Variants in ZNF221 observed in about 807,000 individuals in gnomAD.
ZNF221 encodes zinc finger protein 221.
ZNF221 carries 10 observed loss-of-function variants against 12.6 expected under a neutral mutation model. The observed-to-expected ratio is 0.79, with a 90% CI of 0.49 to 1.34. The LOEUF (loss-of-function observed/expected upper bound fraction) is 1.34, where lower values mean the gene tolerates loss of function less well. ZNF221 is among the 40% of genes most tolerant of loss of function. The pLI is 0.00. For synonymous variants in ZNF221, 232 were observed against 244.0 expected (o/e 0.95, Z 0.46); for missense variants, 661 against 721.4 (o/e 0.92, Z 0.96).
intron 1 of ZNF221, among the ~76,000 whole-genome samples, chr19:43,956,549 T>C (rs926913849): frequency 9.1e-6 from 1 of 110,458 alleles, no homozygotes; most frequent in Non-Finnish European, 1.9e-5. Context: ...CAGGAGGGGA[T>C]TGAGCCAAAG....
At chr19:43,974,828 G>A in the ZNF221 span, among the ~76,000 whole-genome samples, 3 of 152,054 alleles carry the variant, frequency 2.0e-5, no homozygotes, top group Admixed American at 6.6e-5. Flanking sequence ...AGACCAGCCC[G>A]GCCAACATGG....
In ZNF221 at chr19:43,952,008, G is replaced by A. The variant is rs1026662308; in HGVS notation, c.-3+608G>A. Among the ~76,000 whole-genome samples, 3 of 151,228 alleles carry A rather than the reference G, an allele frequency of 2.0e-5. No individual in the cohort carries two copies. The East Asian group carries it at 5.8e-4, about 29-fold the overall frequency. Reference sequence around the variant, plus strand: ...CCTGCCTCAGCCTCCCGAGTAGCTGGGACTACAGGCGCCCGCTACCACGCC... The same window carrying A: ...CCTGCCTCAGCCTCCCGAGTAGCTGAGACTACAGGCGCCCGCTACCACGCC... On this transcript the variant is annotated intron_variant, in intron 1 of 4. Transcript: ENST00000587682.
In ZNF221 at chr19:43,966,964, G is replaced by A. The variant is rs1476070287; in HGVS notation, c.1462G>A (p.Gly488Ser). ...YNCKECGKSF[G>S]WASCLLKHQR... The stretch of plus-strand genomic sequence containing the variant: ...TTGTAAGGAATGTGGCAAGAGCTTT[G>A]GCTGGGCCTCCTGTCTTTTGAAACA... Residue 488 changes from glycine to serine, a missense_variant, in exon 5 of 5, where the codon GGC becomes AGC. Coordinates refer to ENST00000587682, the MANE Select transcript of ZNF221 (RefSeq NM_001297588.2). 1.2e-6 allele frequency: 2 copies of A among 1,614,134 alleles called. No individual in the cohort carries two copies. The highest frequency in any genetic ancestry group is 4.5e-5 in the East Asian group (2 of 44,884).
At chr19:43,958,091 C>T (rs568944737) in intron 1 of ZNF221, among the ~76,000 whole-genome samples, 2 of 152,306 alleles carry the variant, frequency 1.3e-5, no homozygotes, top group African/African-American at 2.4e-5. Context: ...CCAAGAGTTT[C>T]GCAATCAGGC....
Position 43,967,206 on chromosome 19 carries a change from A to T in ZNF221, c.1704A>T (p.Gly568=), listed in dbSNP as rs377556936. The T allele has an allele frequency of 1.3e-6, 2 of 1,592,530 alleles. No individual in the cohort carries two copies. The highest frequency in any genetic ancestry group is 1.7e-6 in the Non-Finnish European group (2 of 1,166,760). The stretch of plus-strand genomic sequence containing the variant: ...GACCCTATAATTGTAAGGAATGTGG[A>T]AAGAGCTTTGGCTGGGCTTCATGTC... The part of the protein sequence containing the change: ...GERPYNCKEC[G]KSFGWASCLL... Residue 568 remains glycine, a synonymous_variant, in exon 5 of 5, where the codon GGA becomes GGT. Transcript: ENST00000587682.
chr19:43,970,812 G>C (rs748613197), downstream of ZNF221, among the ~76,000 whole-genome samples: 2 of 152,170 alleles, frequency 1.3e-5, no homozygotes, highest in Non-Finnish European at 2.9e-5. Context: ...GAAACAGATG[G>C]GGAGAATGGA....
At chr19:43,962,602 G>T (rs413061) in intron 1 of ZNF221, 123 bp from the exon 2 acceptor site, 5 of 916,448 alleles carry the variant, frequency 5.5e-6, no homozygotes, top group Admixed American at 3.9e-5. Flanking sequence ...TTGCAGTTTG[G>T]GGTTATGAGT....
intron 1 of ZNF221, among the ~76,000 whole-genome samples, chr19:43,962,217 G>A (rs1045292782): frequency 3.3e-5 from 5 of 152,062 alleles, no homozygotes; most frequent in African/African-American, 4.8e-5. Context: ...TCAGTCGTAC[G>A]ATTTAATAAT....
In ZNF221 at chr19:43,965,067, C is replaced by G; in HGVS notation, c.199C>G (p.Leu67Val). Reference sequence around the variant, plus strand: ...GATGCTAGAGAACTTCAGGAACCTGCTCTCAGTAGGTGAGGACAGGCACCC... The same window carrying G: ...GATGCTAGAGAACTTCAGGAACCTGGTCTCAGTAGGTGAGGACAGGCACCC... ...DVMLENFRNL[L>V]SVGNQPFHQD... Residue 67 changes from leucine to valine, a missense_variant, in exon 3 of 5, where the codon CTC (leucine) becomes GTC (valine). Leu to Val is a conservative substitution (Grantham distance 32). Coordinates refer to ENST00000587682, the MANE Select transcript of ZNF221 (RefSeq NM_001297588.2). The G allele has an allele frequency of 6.2e-7, 1 of 1,614,122 alleles. No individual in the cohort carries two copies. The highest frequency in any genetic ancestry group is 8.5e-7 in the Non-Finnish European group (1 of 1,180,002).
chr19:43,975,307 C>T, the ZNF221 span, among the ~76,000 whole-genome samples: 1 of 152,220 alleles, frequency 6.6e-6, no homozygotes, highest in African/African-American at 2.4e-5. Flanking sequence ...AAATGCCCAT[C>T]AATGATAGAC....
At position 43,966,568 on chromosome 19, in the gene ZNF221, C is replaced by T. The variant is rs779217402; in HGVS notation, c.1066C>T (p.His356Tyr). The change falls in exon 5 of 5, where the codon CAT becomes TAT. Residue 356 changes from histidine to tyrosine, a missense_variant. Transcript: ENST00000587682. Reference protein sequence around the residue: ...NFRQRSALNSHSMVHIEEKPY... With the variant: ...NFRQRSALNSYSMVHIEEKPY... ...TCGTCAGAGATCAGCACTTAATAGT[C>T]ATTCCATGGTCCACATAGAAGAGAA... is the stretch of plus-strand genomic sequence containing the variant. 3.0e-5 allele frequency: 48 copies of T among 1,614,036 alleles called. 1 individual carries two copies. In the South Asian group the frequency reaches 4.7e-4, roughly 16 times the overall value.
At chr19:43,968,090 C>T (rs1975016164), downstream of ZNF221, 1 of 152,312 alleles carries the variant, frequency 6.6e-6, no homozygotes, top group African/African-American at 2.4e-5. Flanking sequence ...ATGTGGTAAG[C>T]ACTTCAGTTT....
downstream of ZNF221, among the ~76,000 whole-genome samples, chr19:43,970,381 CT>C (rs1975071686): frequency 6.6e-6 from 1 of 152,140 alleles, no homozygotes; most frequent in Non-Finnish European, 1.5e-5. Flanking sequence ...ACTACAGCAC[CT>C]CTCTAGCAAG....
intron 1 of ZNF221, among the ~76,000 whole-genome samples, chr19:43,958,757 AGTG>A (rs1372688898): frequency 6.6e-6 from 1 of 152,234 alleles, no homozygotes; most frequent in African/African-American, 2.4e-5. Flanking sequence ...ATTCGATAGC[AGTG>A]TTTCCTTTTA....
chr19:43,964,189 A>G (rs1974897545), intron 2 of ZNF221, among the ~76,000 whole-genome samples: 1 of 152,198 alleles, frequency 6.6e-6, no homozygotes, highest in Non-Finnish European at 1.5e-5. Context: ...ATAAAAATAG[A>G]TAATATTTAT....
chr19:43,976,752 T>C, the ZNF221 span: 3 of 152,240 alleles, frequency 2.0e-5, no homozygotes, highest in African/African-American at 7.2e-5. Flanking sequence ...AGTTTGGTGA[T>C]TTCATCATAC....
At chr19:43,957,625 T>A (rs1244025830) in intron 1 of ZNF221, among the ~76,000 whole-genome samples, 3 of 152,244 alleles carry the variant, frequency 2.0e-5, no homozygotes, top group African/African-American at 7.2e-5. Flanking sequence ...CATTGTTTTT[T>A]AAATGACCTT....
In ZNF221 at chr19:43,966,508, A is replaced by G. The variant is rs1372890680; in HGVS notation, c.1006A>G (p.Lys336Glu). 2 of 1,614,160 alleles carry G rather than the reference A, an allele frequency of 1.2e-6. No individual in the cohort carries two copies. Among genetic ancestry groups the G allele is most frequent in the Non-Finnish European group, 1.7e-6 (2 of 1,180,018 alleles). ...GCATTCCATGGTTCACACAGGAGAA[A>G]AACCATTCAGATGTGATACATGTGG... is the stretch of plus-strand genomic sequence containing the variant. ...NRHSMVHTGEKPFRCDTCGKN... is the reference protein window; with the variant it reads ...NRHSMVHTGEEPFRCDTCGKN... The change falls in exon 5 of 5, where the codon AAA (lysine) becomes GAA (glutamate). Residue 336 changes from lysine (K) to glutamate (E), a missense_variant. Transcript: ENST00000587682.
chr19:43,953,880 C>T (rs565317454), intron 1 of ZNF221, among the ~76,000 whole-genome samples: 3 of 152,024 alleles, frequency 2.0e-5, no homozygotes, highest in Admixed American at 6.5e-5. Context: ...GTCAGGAGTT[C>T]GAGACCAGCC....
Sources: allele counts gnomAD v4.1 joint callset (sites outside exome capture counted in the v4.1 genomes callset), GRCh38; gene constraint gnomAD v4.1.1; transcripts MANE v1.5; gene names NCBI Gene and HGNC (gene_info 2026-07-23, HGNC 2026-07-21).